Variants in ITGA5 observed in about 807,000 individuals in gnomAD.
The protein encoded by ITGA5 is integrin alpha-5.
In ITGA5, 55 loss-of-function variants were observed where a neutral mutation model predicts 146.3. The ratio of observed to expected loss-of-function variants is 0.38; its 90% confidence interval spans 0.30 to 0.47. ITGA5 has a LOEUF of 0.47. Among genes scored for constraint, ITGA5 ranks in the 20% least tolerant of loss-of-function variants. The pLI is 0.99. For synonymous variants in ITGA5, 500 were observed against 531.8 expected (o/e 0.94, Z 0.82); for missense variants, 1,131 against 1,329.0 (o/e 0.85, Z 2.32).
rs369618762 is a variant in ITGA5, at chr12:54,397,476, A to G, written c.2955T>C (p.Ala985=). The change falls in exon 29 of 30, where the codon GCT becomes GCC. Residue 985 remains alanine (A), a synonymous_variant. Transcript: ENST00000293379. ...TGCCTTCTGCCTTGGTCCATTGCACAGCTGTGGCCACCTGGGGAGCAAGTT... is the reference window on the plus strand; with the variant it reads ...TGCCTTCTGCCTTGGTCCATTGCACGGCTGTGGCCACCTGGGGAGCAAGTT... ...LPQKERQVAT[A]VQWTKAEGSY... 120 of 1,613,944 alleles carry G rather than the reference A, an allele frequency of 7.4e-5. No individual in the cohort carries two copies. The highest frequency in any genetic ancestry group is 9.7e-5 in the Non-Finnish European group (115 of 1,180,002).
chr12:54,407,961 C>T lies in ITGA5; in HGVS notation c.818-85G>A. 3.3e-6 allele frequency: 5 copies of T among 1,516,532 alleles called. No homozygotes were observed. In the South Asian group the frequency reaches 5.0e-5, roughly 15 times the overall value. 93.9% of individuals were successfully genotyped at this position (1,516,532 alleles called of 1,614,324 possible). On this transcript the variant is annotated intron_variant, in intron 7 of 29. Transcript: ENST00000293379. ...CTATCCACCAATCCCTTCCCCACCC[C>T]TACTGGGCCTTCATAGTCAGCAGGC... is the stretch of plus-strand genomic sequence containing the variant.
At chr12:54,400,668 G>T in intron 25 of ITGA5, 178 bp downstream of exon 25, 1 of 585,314 alleles carries the variant, frequency 1.7e-6, no homozygotes, top group Non-Finnish European at 3.0e-6. Context: ...AAACACAGTG[G>T]ATGAAAGTCC....
chr12:54,400,906 C>T lies in ITGA5; in HGVS notation c.2583G>A (p.Val861=). The part of the protein sequence containing the change: ...QALEGQQLLY[V]TRVTGLNCTT... ...TGCAGTTGAGTCCCGTAACTCTGGT[C>T]ACATATAGGAGCTGCTGACCTTCCA... Residue 861 remains valine (V), a synonymous_variant, in exon 25 of 30, where the codon GTG becomes GTA. Coordinates refer to ENST00000293379, the MANE Select transcript of ITGA5 (RefSeq NM_002205.5). 6.2e-7 allele frequency: 1 copy of T among 1,614,088 alleles called. No homozygotes were observed. The highest frequency in any genetic ancestry group is 8.5e-7 in the Non-Finnish European group (1 of 1,179,992).
intron 13 of ITGA5, 63 bp downstream of exon 13, chr12:54,404,640 G>C: frequency 3.9e-6 from 6 of 1,520,096 alleles, no homozygotes; most frequent in Non-Finnish European, 5.5e-6. Flanking sequence ...AGGTGCAGAA[G>C]AGAGAGTAGG....
At position 54,403,560 on chromosome 12, in the gene ITGA5, A is replaced by G; in HGVS notation, c.1776+65T>C. ...GTCCCCCAGTCTTTTTCCCTTCAGG[A>G]GGTGCCCTCAGTTCTGTGTGGCCAC... On this transcript the variant is annotated intron_variant, in intron 17 of 29. Coordinates refer to ENST00000293379, the MANE Select transcript of ITGA5 (RefSeq NM_002205.5). This position sits in a 1 kb window ranked among gnomAD's most constrained non-coding sequence, Gnocchi z 4.9. 1 of 1,525,688 alleles carries G rather than the reference A, an allele frequency of 6.6e-7. No homozygotes were observed. Among genetic ancestry groups the G allele is most frequent in the Non-Finnish European group, 8.9e-7 (1 of 1,126,104 alleles). The allele number at this position is 1,525,688 out of a possible 1,614,324, so 94.5% of individuals were successfully genotyped here.
intron 1 of ITGA5, chr12:54,413,116 T>C (rs1955967638): frequency 6.6e-6 from 1 of 152,414 alleles, no homozygotes; most frequent in East Asian, 1.9e-4. Flanking sequence ...ACCCGTCCAA[T>C]ACCTACCCTT....
chr12:54,412,683 C>T (rs1955961903), intron 1 of ITGA5, among the ~76,000 whole-genome samples: 1 of 152,190 alleles, frequency 6.6e-6, no homozygotes, highest in Admixed American at 6.5e-5. Flanking sequence ...ACCGGGGTCC[C>T]AGTTCTGGAC....
intron 27 of ITGA5, 133 bp downstream of exon 27, chr12:54,399,512 G>A (rs1412362874): frequency 2.9e-6 from 2 of 678,064 alleles, no homozygotes; most frequent in East Asian, 5.4e-5. Flanking sequence ...GTCTAGACAA[G>A]GGCAAGGAAG....
At chr12:54,415,104 C>T (rs1236131209) in intron 1 of ITGA5, among the ~76,000 whole-genome samples, 1 of 152,110 alleles carries the variant, frequency 6.6e-6, no homozygotes, top group Non-Finnish European at 1.5e-5. Flanking sequence ...GCCGAGATTG[C>T]GCCATTGCAT....
chr12:54,399,885 A>C lies in ITGA5; in HGVS notation c.2706T>G (p.Ala902=). ...TTACCAGGATCTGAGGTCCCGAGGA[A>C]GCAGAGCTGCGGCTTGGAGCTTCCC... ...QKREAPSRSS[A]SSGPQILKCP... is the part of the protein sequence containing the mutation. The change falls in exon 26 of 30, where the codon GCT becomes GCG. Residue 902 remains alanine, a synonymous_variant. Transcript: ENST00000293379. The C allele has an allele frequency of 6.2e-7, 1 of 1,614,122 alleles. No individual in the cohort carries two copies. The highest frequency in any genetic ancestry group is 8.5e-7 in the Non-Finnish European group (1 of 1,179,968).
chr12:54,398,724 C>T (rs748606920), intron 27 of ITGA5, 26 bp from the exon 28 acceptor site: 4 of 1,506,260 alleles, frequency 2.7e-6, no homozygotes, highest in East Asian at 2.4e-5. Flanking sequence ...AGTTGGTTAG[C>T]ACATCCTCTC....
rs200209969 is a variant in ITGA5, at chr12:54,405,408, C to T, written c.1017-34G>A. On this transcript the variant is annotated intron_variant, in intron 11 of 29. Transcript: ENST00000293379. ...AAGGGCAAACCCAGGCATCTCGATA[C>T]CCTGTCTTGCCACCCCACCCCAATC... 7.0e-5 allele frequency: 105 copies of T among 1,507,976 alleles called. No individual in the cohort carries two copies. In the Admixed American group the frequency reaches 2.0e-3, roughly 28 times the overall value. 93.4% of individuals were successfully genotyped at this position (1,507,976 alleles called of 1,614,324 possible). A position where few individuals can be genotyped will look rare whatever the true frequency, so the allele number is the denominator to read the frequency against.
Position 54,409,040 on chromosome 12 carries a change from G to T in ITGA5, c.584-86C>A. Reference sequence around the variant, plus strand: ...AGAGGGCATAGGGAAGGAGGTGGGAGAGAGAACCAGAGAAAGGGCCTTCCT... The same window carrying T: ...AGAGGGCATAGGGAAGGAGGTGGGATAGAGAACCAGAGAAAGGGCCTTCCT... On this transcript the variant is annotated intron_variant, in intron 4 of 29. Transcript: ENST00000293379. This position sits in a 1 kb window ranked among gnomAD's most constrained non-coding sequence, Gnocchi z 4.7. The T allele has an allele frequency of 1.4e-6, 2 of 1,448,242 alleles. No individual in the cohort carries two copies. The highest frequency in any genetic ancestry group is 1.9e-6 in the Non-Finnish European group (2 of 1,038,248). The allele number at this position is 1,448,242 out of a possible 1,614,324, so 89.7% of individuals were successfully genotyped here. A position where few individuals can be genotyped will look rare whatever the true frequency, so the allele number is the denominator to read the frequency against.
chr12:54,410,725 ATT>A (rs144213530), intron 2 of ITGA5, among the ~76,000 whole-genome samples: 4 of 135,018 alleles, frequency 3.0e-5, no homozygotes, highest in Admixed American at 7.4e-5. Flanking sequence ...TGCCTGGCTA[ATT>A]TTTTTTTTTT....
Position 54,405,374 on chromosome 12 carries a change from C to T in ITGA5, c.1017G>A (p.Gly339=), listed in dbSNP as rs1347324629. ...AVAATDVNGD[G]LDDLLVGAPL... ...GTGCCCCCACCAGCAAGTCATCCAG[C>T]CTGAGGGGAAGGGCAAACCCAGGCA... Residue 339 remains glycine, a splice_region_variant and synonymous_variant, in exon 12 of 30, where the codon GGG becomes GGA. Coordinates refer to ENST00000293379, the MANE Select transcript of ITGA5 (RefSeq NM_002205.5). The T allele has an allele frequency of 6.2e-7, 1 of 1,600,338 alleles. No individual in the cohort carries two copies. The highest frequency in any genetic ancestry group is 1.7e-5 in the Admixed American group (1 of 59,300).
chr12:54,408,085 A>AT (rs1181265659), intron 7 of ITGA5, 25 bp downstream of exon 7: 1 of 1,613,728 alleles, frequency 6.2e-7, no homozygotes, highest in South Asian at 1.1e-5. Flanking sequence ...TCCCTCTGCC[A>AT]TCCCTTCCCC....
Position 54,403,541 on chromosome 12 carries a change from C to T in ITGA5, c.1776+84G>A. 6.8e-7 allele frequency: 1 copy of T among 1,469,776 alleles called. No individual in the cohort carries two copies. The highest frequency in any genetic ancestry group is 9.2e-7 in the Non-Finnish European group (1 of 1,085,748). The allele number at this position is 1,469,776 out of a possible 1,614,324, so 91.0% of individuals were successfully genotyped here. On this transcript the variant is annotated intron_variant, in intron 17 of 29. Transcript: ENST00000293379. This position sits in a 1 kb window ranked among gnomAD's most constrained non-coding sequence, Gnocchi z 4.9. ...TCCCAAGCCCTTCACTGGAGTCCCC[C>T]AGTCTTTTTCCCTTCAGGAGGTGCC...
At chr12:54,398,500 T>C in intron 28 of ITGA5, 97 bp downstream of exon 28, 1 of 801,362 alleles carries the variant, frequency 1.2e-6, no homozygotes, top group Non-Finnish European at 2.1e-6. Flanking sequence ...TCAACAGTTG[T>C]TAACAATACC....
chr12:54,419,098 GGCA>G lies in ITGA5; in HGVS notation c.98_100del (p.Leu33del), dbSNP rs762259854. On this transcript the variant is annotated inframe_deletion, in exon 1 of 30. Transcript: ENST00000293379. ...GAAGCCCCCGACCCTGGGTGGCGGC[GGCA>G]GCAGCAGCAACAGCAGCGGCAGCAG... is the stretch of plus-strand genomic sequence containing the variant. The G allele has an allele frequency of 1.9e-6, 3 of 1,588,948 alleles. No individual in the cohort carries two copies. Among genetic ancestry groups the G allele is most frequent in the South Asian group, 1.1e-5 (1 of 87,982 alleles).
Sources: allele counts gnomAD v4.1 joint callset (sites outside exome capture counted in the v4.1 genomes callset), GRCh38; gene constraint gnomAD v4.1.1; non-coding constraint Gnocchi (gnomAD v3.1); transcripts MANE v1.5; gene names NCBI Gene and HGNC (gene_info 2026-07-23, HGNC 2026-07-21).